Variants in FAR2 observed in about 807,000 individuals in gnomAD.
The protein encoded by FAR2 is epididymis secretory protein Li 81.
Under a neutral mutation model 56.0 loss-of-function variants are expected in FAR2, and 19 were observed. The ratio of observed to expected loss-of-function variants is 0.34; its 90% CI spans 0.24 to 0.50. The LOEUF is 0.50. FAR2 is among the 20% of genes least tolerant of loss of function. FAR2 has a pLI of 0.98. For missense variants in FAR2, 508 were observed against 642.2 expected, an observed-to-expected ratio of 0.79 and a Z score of 2.26; for synonymous variants, 219 against 218.8, an observed-to-expected ratio of 1.00 and a Z score of -0.01.
At chr12:29,193,149 T>C (rs1212279559) in intron 1 of FAR2, among the ~76,000 whole-genome samples, 2 of 152,160 alleles carry the variant, frequency 1.3e-5, no homozygotes, top group African/African-American at 2.4e-5. Flanking sequence ...CGAGTTCCCA[T>C]ATCCCCTGTG....
At chr12:29,318,041 A>G (rs1949484035) in intron 9 of FAR2, among the ~76,000 whole-genome samples, 1 of 152,222 alleles carries the variant, frequency 6.6e-6, no homozygotes, top group South Asian at 2.1e-4. Context: ...CTTGAATAAT[A>G]TTATGTGTCA....
At chr12:29,165,305 T>C (rs767003201) in intron 1 of FAR2, among the ~76,000 whole-genome samples, 1 of 152,190 alleles carries the variant, frequency 6.6e-6, no homozygotes, top group Non-Finnish European at 1.5e-5. Flanking sequence ...AAGGATGAAA[T>C]TCAGAATTAC....
chr12:29,279,417 T>A (rs1458862675), intron 2 of FAR2, among the ~76,000 whole-genome samples: 1 of 152,206 alleles, frequency 6.6e-6, no homozygotes, highest in Non-Finnish European at 1.5e-5. Context: ...CCCTGTTAAT[T>A]GAGGTTTTCT....
chr12:29,221,141 C>A (rs75726339), intron 1 of FAR2, among the ~76,000 whole-genome samples: 6,535 of 152,034 alleles, frequency 0.043, 361 homozygotes, highest in African/African-American at 0.13. Context: ...GTCATATACC[C>A]GTAAAATCAG....
chr12:29,334,373 T>C lies in FAR2; in HGVS notation c.*579T>C, dbSNP rs993554834. On this transcript the variant is annotated 3_prime_UTR_variant, in exon 12 of 12. Coordinates refer to ENST00000536681, the MANE Select transcript of FAR2 (RefSeq NM_001271783.2). ...CAGAAAAGTAGGTTTACATTTAACATTTTTCTTAACTACATTCACTTCTTA... is the reference window on the plus strand; with the variant it reads ...CAGAAAAGTAGGTTTACATTTAACACTTTTCTTAACTACATTCACTTCTTA... 9 of 152,178 alleles carry C rather than the reference T, an allele frequency of 5.9e-5. No homozygotes were observed. The highest frequency in any genetic ancestry group is 2.2e-4 in the African/African-American group (9 of 41,436). 9.4% of individuals were successfully genotyped at this position (152,178 alleles called of 1,614,324 possible).
At chr12:29,223,755 G>A (rs1415881098) in intron 1 of FAR2, 4 of 152,206 alleles carry the variant, frequency 2.6e-5, no homozygotes, top group African/African-American at 9.7e-5. Flanking sequence ...AGGTTCTTCT[G>A]AAAAGCTGCT....
chr12:29,217,182 C>T (rs1417870698), intron 1 of FAR2, among the ~76,000 whole-genome samples: 1 of 152,066 alleles, frequency 6.6e-6, no homozygotes, highest in Non-Finnish European at 1.5e-5. Context: ...TAAAAATGGT[C>T]TAAAGAAATG....
chr12:29,285,842 C>A (rs1233271079), intron 2 of FAR2, among the ~76,000 whole-genome samples: 6 of 152,068 alleles, frequency 3.9e-5, no homozygotes, highest in Non-Finnish European at 7.4e-5. Context: ...TCACTTGAAC[C>A]TGGGAGGTGG....
At chr12:29,285,438 C>T (rs1053670275) in intron 2 of FAR2, among the ~76,000 whole-genome samples, 25 of 151,910 alleles carry the variant, frequency 1.6e-4, no homozygotes, top group African/African-American at 5.6e-4. Flanking sequence ...AGCAAGAGGC[C>T]TCTAGTGTAA....
intron 1 of FAR2, among the ~76,000 whole-genome samples, chr12:29,168,184 G>A (rs1196817837): frequency 2.0e-5 from 3 of 152,122 alleles, no homozygotes; most frequent in Non-Finnish European, 4.4e-5. Flanking sequence ...AGGCCAGCTG[G>A]GAGTTGCTGA....
chr12:29,229,108 C>G (rs1315720957), intron 1 of FAR2, among the ~76,000 whole-genome samples: 2 of 152,130 alleles, frequency 1.3e-5, no homozygotes, highest in Non-Finnish European at 2.9e-5. Flanking sequence ...CTGAGTATGG[C>G]AAGCTGAGCT....
At chr12:29,328,339 T>C (rs1457951932) in intron 10 of FAR2, among the ~76,000 whole-genome samples, 3 of 152,158 alleles carry the variant, frequency 2.0e-5, no homozygotes, top group Non-Finnish European at 4.4e-5. Flanking sequence ...TTGTGGAAGT[T>C]GGTGTGGCGA....
chr12:29,201,951 G>A (rs1469997950), intron 1 of FAR2, among the ~76,000 whole-genome samples: 1 of 152,040 alleles, frequency 6.6e-6, no homozygotes, highest in Non-Finnish European at 1.5e-5. Flanking sequence ...GTTAGTTCTC[G>A]GCTTTGGATG....
chr12:29,256,367 T>C (rs1046142807), intron 1 of FAR2, among the ~76,000 whole-genome samples: 7 of 152,144 alleles, frequency 4.6e-5, no homozygotes, highest in African/African-American at 1.7e-4. Flanking sequence ...TTTTCATTTT[T>C]AGTAGAGACG....
intron 2 of FAR2, among the ~76,000 whole-genome samples, chr12:29,277,080 C>T (rs765120929): frequency 3.9e-5 from 6 of 152,296 alleles, no homozygotes; most frequent in East Asian, 3.9e-4. Flanking sequence ...TGGGTTCAAG[C>T]GATTCTCCTG....
chr12:29,299,263 G>C (rs1179888085), intron 4 of FAR2, among the ~76,000 whole-genome samples: 2 of 144,628 alleles, frequency 1.4e-5, no homozygotes, highest in Non-Finnish European at 3.0e-5. Context: ...AAAGAAGTAA[G>C]AGTTCACCCA....
intron 1 of FAR2, among the ~76,000 whole-genome samples, chr12:29,256,097 C>A (rs1033848889): frequency 6.6e-6 from 1 of 152,138 alleles, no homozygotes; most frequent in Non-Finnish European, 1.5e-5. Context: ...GTCATAAACT[C>A]CTGACCTCAG....
rs185113692 is a variant in FAR2, at chr12:29,246,432, T to C, written c.-38-23980T>C. On this transcript the variant is annotated intron_variant, in intron 1 of 11. Coordinates refer to ENST00000536681, the MANE Select transcript of FAR2 (RefSeq NM_001271783.2). Reference sequence around the variant, plus strand: ...TCAGAAAATAGGCAGGAATTTAGACTTGGAATTCTTCTGTCTTTCCCTTAG... The same window carrying C: ...TCAGAAAATAGGCAGGAATTTAGACCTGGAATTCTTCTGTCTTTCCCTTAG... Among the ~76,000 whole-genome samples, 1,396 of 151,768 alleles carry C rather than the reference T, an allele frequency of 9.2e-3. 19 individuals carry two copies. Among genetic ancestry groups the C allele is most frequent in the African/African-American group, 0.032 (1,329 of 41,536 alleles).
intron 10 of FAR2, among the ~76,000 whole-genome samples, chr12:29,327,326 G>T (rs1291016402): frequency 6.6e-6 from 1 of 152,132 alleles, no homozygotes; most frequent in Non-Finnish European, 1.5e-5. Context: ...TGGCCATACT[G>T]CCCAAGGTAA....
Sources: gnomAD v4.1 joint callset for allele counts (sites outside exome capture counted in the v4.1 genomes callset) on GRCh38, gnomAD v4.1.1 for gene constraint, MANE v1.5 for transcripts, NCBI Gene and HGNC (gene_info 2026-07-23, HGNC 2026-07-21) for gene names.